The following RRM2 variants were observed in gnomAD, a reference collection of about 807,000 sequenced individuals.
The protein encoded by RRM2 is ribonucleoside-diphosphate reductase subunit M2.
A neutral mutation model predicts 45.9 loss-of-function variants in RRM2; 6 were observed. The ratio of observed to expected loss-of-function variants is 0.13; its 90% CI spans 0.07 to 0.26. The LOEUF is 0.26. Among genes scored for constraint, RRM2 ranks in the 10% least tolerant of loss-of-function variants. The pLI is 1.00. For missense variants in RRM2, 343 were observed against 489.5 expected (o/e 0.70, Z 2.82); for synonymous variants, 177 against 173.0 (o/e 1.02, Z -0.18).
rs1031752480 is a variant in RRM2 at position 10,209,567 on chromosome 2, G to A, written n.483-744G>A. On this transcript the variant is annotated intron_variant and non_coding_transcript_variant, in intron 3 of 3. Transcript: ENST00000381786. ...TTGCCTCCCTGGGACTGCAGCTGACGTGCTTGCATGTGTGTGTGTGTGTGC... is the reference window on the plus strand; with the variant it reads ...TTGCCTCCCTGGGACTGCAGCTGACATGCTTGCATGTGTGTGTGTGTGTGC... Among the ~76,000 whole-genome samples, 8 of 151,670 alleles carry A rather than the reference G, an allele frequency of 5.3e-5. No homozygotes were observed. The East Asian group carries it at 9.8e-4, about 18-fold the overall frequency.
chr2:10,166,587 A>G (rs971141651), intron 3 of RRM2, among the ~76,000 whole-genome samples: 2 of 152,186 alleles, frequency 1.3e-5, no homozygotes, highest in African/African-American at 4.8e-5. Flanking sequence ...GGGGTAGAGA[A>G]TTATGGTCCC....
chr2:10,154,737 C>T (rs1663390778), intron 3 of RRM2, among the ~76,000 whole-genome samples: 1 of 143,316 alleles, frequency 7.0e-6, no homozygotes, highest in Non-Finnish European at 1.5e-5. Context: ...CTCTTGTTGC[C>T]CAGGCTGGAG....
chr2:10,144,898 A>T (rs575033597), intron 3 of RRM2, among the ~76,000 whole-genome samples: 1 of 152,058 alleles, frequency 6.6e-6, no homozygotes, highest in African/African-American at 2.4e-5. Flanking sequence ...GAAAACAATG[A>T]CCCCACTGGC....
At position 10,185,277 on chromosome 2, in the gene RRM2, G is replaced by C. The variant is rs1664140093; in HGVS notation, n.483-25034G>C. Among the ~76,000 whole-genome samples the C allele has an allele frequency of 7.2e-6, 1 of 138,108 alleles. No homozygotes were observed. The highest frequency in any genetic ancestry group is 1.7e-5 in the Non-Finnish European group (1 of 59,036). The allele number at this position is 138,108 out of a possible 152,430, so 90.6% of individuals were successfully genotyped here. Reference sequence around the variant, plus strand: ...CGTGAAAGCGAGACAGAGCGTGAGAGTGAGAGAGAGAGAGAGAGGCAGGAG... The same window carrying C: ...CGTGAAAGCGAGACAGAGCGTGAGACTGAGAGAGAGAGAGAGAGGCAGGAG... On this transcript the variant is annotated intron_variant and non_coding_transcript_variant, in intron 3 of 3. Coordinates refer to the RRM2 transcript ENST00000381786. This position sits in a 1 kb window ranked among gnomAD's most constrained non-coding sequence, Gnocchi z 4.3.
At chr2:10,199,633 A>T (rs989740447) in intron 3 of RRM2, among the ~76,000 whole-genome samples, 4 of 151,796 alleles carry the variant, frequency 2.6e-5, no homozygotes, top group Non-Finnish European at 2.9e-5. Context: ...TACAAAAATT[A>T]GCTGGGTGTG....
chr2:10,170,268 G>T (rs925228842), intron 3 of RRM2, among the ~76,000 whole-genome samples: 5 of 152,172 alleles, frequency 3.3e-5, no homozygotes, highest in African/African-American at 1.2e-4. Context: ...GGCTGAGCAG[G>T]TGGCTGGAGA....
intron 2 of RRM2, chr2:10,142,041 C>G: frequency 6.3e-7 from 1 of 1,589,720 alleles, no homozygotes; most frequent in Non-Finnish European, 8.6e-7. Flanking sequence ...TGTGGGGAGC[C>G]AGAGGGAGCC....
downstream of RRM2, among the ~76,000 whole-genome samples, chr2:10,133,293 C>T (rs893104268): frequency 2.1e-4 from 32 of 152,222 alleles, no homozygotes; most frequent in African/African-American, 6.0e-4. Context: ...TGTGCACATT[C>T]GGGGCCCTGC....
intron 3 of RRM2, among the ~76,000 whole-genome samples, chr2:10,143,356 C>T (rs1284813781): frequency 3.3e-5 from 5 of 152,232 alleles, no homozygotes; most frequent in African/African-American, 9.6e-5. Context: ...TCAGAGCCCT[C>T]ATGGCCCCAA....
chr2:10,146,726 T>G, intron 3 of RRM2, among the ~76,000 whole-genome samples: 2 of 151,502 alleles, frequency 1.3e-5, no homozygotes, highest in Non-Finnish European at 2.9e-5. Context: ...CCGGGAAGGG[T>G]AGGGAGGAGG....
At chr2:10,194,741 C>T (rs112526717) in intron 3 of RRM2, among the ~76,000 whole-genome samples, 4,719 of 152,298 alleles carry the variant, frequency 0.031, 88 homozygotes, top group Middle Eastern at 0.082. Flanking sequence ...TGGGGCTCTA[C>T]GGGGGCATCC....
chr2:10,141,744 C>G, intron 1 of RRM2: 1 of 1,468,524 alleles, frequency 6.8e-7, no homozygotes, highest in Non-Finnish European at 9.2e-7. Flanking sequence ...CTGTTCCAAG[C>G]ACGGGAAACA....
chr2:10,210,865 G>T (rs1039055183), exon 4 of RRM2: 1 of 317,076 alleles, frequency 3.2e-6, no homozygotes, highest in Admixed American at 4.4e-5. Flanking sequence ...TGCCCTTATG[G>T]TTCTCCCATG....
chr2:10,201,160 AAAG>A (rs1389443900), intron 3 of RRM2, among the ~76,000 whole-genome samples: 14 of 150,006 alleles, frequency 9.3e-5, no homozygotes, highest in Non-Finnish European at 1.6e-4. Flanking sequence ...AAAAAAAAAA[AAAG>A]AAAGAAAGAA....
upstream of RRM2, among the ~76,000 whole-genome samples, chr2:10,139,854 C>A (rs1369384586): frequency 6.6e-6 from 1 of 152,228 alleles, no homozygotes; most frequent in Non-Finnish European, 1.5e-5. Context: ...ACCCCTGGAT[C>A]CTCCAATGTT....
chr2:10,210,178 C>T (rs546825624), intron 3 of RRM2: 32 of 450,768 alleles, frequency 7.1e-5, no homozygotes, highest in African/African-American at 5.9e-4. Flanking sequence ...TGGACTCCCA[C>T]CTCCTTGTGG....
In RRM2 at chr2:10,130,452, A is replaced by T. The variant is rs1662873223; in HGVS notation, c.*1066A>T. On this transcript the variant is annotated 3_prime_UTR_variant, in exon 10 of 10. Transcript: ENST00000304567. Reference sequence around the variant, plus strand: ...ATTTACTATGTCTGTTAAATCAGAAATTTTTTATTATCTATGTTCTTCTAG... The same window carrying T: ...ATTTACTATGTCTGTTAAATCAGAATTTTTTTATTATCTATGTTCTTCTAG... The T allele has an allele frequency of 6.6e-6, 1 of 151,960 alleles. No homozygotes were observed. The highest frequency in any genetic ancestry group is 1.5e-5 in the Non-Finnish European group (1 of 68,004). The allele number at this position is 151,960 out of a possible 1,614,324, so 9.4% of individuals were successfully genotyped here. A position where few individuals can be genotyped will look rare whatever the true frequency, so the allele number is the denominator to read the frequency against.
At chr2:10,180,229 C>A (rs750915676) in intron 3 of RRM2, among the ~76,000 whole-genome samples, 24 of 152,218 alleles carry the variant, frequency 1.6e-4, no homozygotes, top group African/African-American at 5.3e-4. Context: ...AGAACCTCTT[C>A]GTCCTGGGGG....
rs1662776678 is a variant in RRM2, at chr2:10,126,192, AGCTGCCC to A, written c.570-682_570-676del. ...AAAAAAAAAAAAAAAAAAAAAAAAA[AGCTGCCC>A]AATGTCTGGTGCCCTTGGCTTCAGA... On this transcript the variant is annotated intron_variant, in intron 5 of 9. Transcript: ENST00000304567. Among the ~76,000 whole-genome samples the A allele has an allele frequency of 1.8e-4, 3 of 16,544 alleles. 1 individual carries two copies. The highest frequency in any genetic ancestry group is 9.5e-4 in the African/African-American group (2 of 2,110). The allele number at this position is 16,544 out of a possible 152,430, so 10.9% of individuals were successfully genotyped here.
Sources: gnomAD v4.1 joint callset for allele counts (sites outside exome capture counted in the v4.1 genomes callset) on GRCh38, gnomAD v4.1.1 for gene constraint, Gnocchi (gnomAD v3.1) non-coding constraint, MANE v1.5 for transcripts, NCBI Gene and HGNC (gene_info 2026-07-23, HGNC 2026-07-21) for gene names.